MTUS2: variants seen among roughly 807,000 people sequenced by gnomAD.
MTUS2 encodes the protein microtubule-associated tumor suppressor candidate 2.
Under a neutral mutation model 114.1 loss-of-function variants are expected in MTUS2, and 40 were observed. That is an observed-to-expected ratio of 0.35 (90% confidence interval 0.27 to 0.46). MTUS2 has a LOEUF of 0.46. MTUS2 is among the 20% of genes least tolerant of loss of function. MTUS2 has a pLI of 1.00. For missense variants in MTUS2, 1,679 were observed against 1,705.4 expected, an observed-to-expected ratio of 0.98 and a Z score of 0.27; for synonymous variants, 688 against 672.0, an observed-to-expected ratio of 1.02 and a Z score of -0.37.
At chr13:29,439,657 C>T (rs7995017) in intron 8 of MTUS2, among the ~76,000 whole-genome samples, 121,683 of 152,070 alleles carry the variant, frequency 0.8, 49,246 homozygotes, top group African/African-American at 0.9. Context: ...AAACACTGTA[C>T]AATAATATAT....
chr13:29,010,215 A>G (rs1885778071), intron 2 of MTUS2, among the ~76,000 whole-genome samples: 1 of 151,644 alleles, frequency 6.6e-6, no homozygotes, highest in Admixed American at 6.6e-5. Flanking sequence ...CGTCTCAAAA[A>G]AAAAAAAAAA....
intron 5 of MTUS2, among the ~76,000 whole-genome samples, chr13:29,212,452 A>G (rs1453978355): frequency 6.6e-6 from 1 of 152,188 alleles, no homozygotes; most frequent in African/African-American, 2.4e-5. Flanking sequence ...TATAACACTA[A>G]TTATGCAGAG....
intron 7 of MTUS2, among the ~76,000 whole-genome samples, chr13:29,340,613 C>G (rs1901343836): frequency 6.6e-6 from 1 of 152,140 alleles, no homozygotes; most frequent in Admixed American, 6.5e-5. Context: ...TTATCTGTCT[C>G]TGAACACTAA....
chr13:29,072,645 A>G lies in MTUS2; in HGVS notation c.2447-28128A>G, dbSNP rs180854989. Among the ~76,000 whole-genome samples the G allele has an allele frequency of 8.5e-5, 13 of 152,344 alleles. No individual in the cohort carries two copies. In the East Asian group the frequency reaches 1.9e-3, roughly 23 times the overall value. ...AGCCACTGATCAGAAAACATGATTC[A>G]ACTGAATTTGCTCACAAAAAATATT... On this transcript the variant is annotated intron_variant, in intron 4 of 15. Transcript: ENST00000612955.
chr13:28,927,836 G>A (rs889599683), intron 2 of MTUS2, among the ~76,000 whole-genome samples: 33 of 152,148 alleles, frequency 2.2e-4, no homozygotes, highest in Admixed American at 2.6e-4. Context: ...AGAAAAAGCC[G>A]GATGCATCAC....
rs572371586 is a variant in MTUS2, at chr13:29,462,836, G to T, written c.3185-17314G>T. Among the ~76,000 whole-genome samples, 3 of 152,202 alleles carry T rather than the reference G, an allele frequency of 2.0e-5. No homozygotes were observed. The East Asian group carries it at 5.8e-4, about 29-fold the overall frequency. ...GAAACCCCTAGTGCCAGAGGGAATCGCAGGGAATGAGGTGCAGGAGAAATT... is the reference window on the plus strand; with the variant it reads ...GAAACCCCTAGTGCCAGAGGGAATCTCAGGGAATGAGGTGCAGGAGAAATT... On this transcript the variant is annotated intron_variant, in intron 9 of 15. Coordinates refer to ENST00000612955, the MANE Select transcript of MTUS2 (RefSeq NM_001033602.4).
chr13:29,179,866 G>C (rs1893925898), intron 5 of MTUS2, among the ~76,000 whole-genome samples: 1 of 152,104 alleles, frequency 6.6e-6, no homozygotes, highest in South Asian at 2.1e-4. Context: ...TTTTTCCTTA[G>C]AGGAGAAATT....
chr13:29,240,067 G>T (rs186622498), intron 5 of MTUS2: 26 of 152,250 alleles, frequency 1.7e-4, no homozygotes, highest in African/African-American at 6.3e-4. Context: ...ACCTCCTAGG[G>T]TGAAGAACTG....
chr13:29,038,972 G>A (rs944046306), intron 4 of MTUS2, among the ~76,000 whole-genome samples: 4 of 152,326 alleles, frequency 2.6e-5, no homozygotes, highest in East Asian at 1.9e-4. Context: ...GGTGAGCCTC[G>A]GAAAAGTCTG....
At chr13:29,188,922 A>T (rs2139186757) in intron 5 of MTUS2, among the ~76,000 whole-genome samples, 1 of 152,190 alleles carries the variant, frequency 6.6e-6, no homozygotes, top group South Asian at 2.1e-4. Context: ...TTTTTCCTTG[A>T]TCAATCCCTA....
chr13:28,958,648 G>A (rs1593333756), intron 2 of MTUS2, among the ~76,000 whole-genome samples: 1 of 152,208 alleles, frequency 6.6e-6, no homozygotes, highest in African/African-American at 2.4e-5. Flanking sequence ...AGAGCTAGAA[G>A]TAGAAAATGG....
intron 8 of MTUS2, among the ~76,000 whole-genome samples, chr13:29,361,129 G>A (rs1483714357): frequency 6.6e-6 from 1 of 152,144 alleles, no homozygotes; most frequent in Non-Finnish European, 1.5e-5. Context: ...AAAATTCCTT[G>A]TTGGCCTGCA....
chr13:28,943,773 G>A (rs1882370540), intron 2 of MTUS2, among the ~76,000 whole-genome samples: 1 of 152,188 alleles, frequency 6.6e-6, no homozygotes, highest in Non-Finnish European at 1.5e-5. Context: ...GATGCATAGG[G>A]AGGAAGCTGG....
chr13:29,363,816 G>T (rs1870473064), intron 8 of MTUS2, among the ~76,000 whole-genome samples: 1 of 152,176 alleles, frequency 6.6e-6, no homozygotes, highest in South Asian at 2.1e-4. Flanking sequence ...GTAAGAGGCA[G>T]AACTTTAACA....
At chr13:29,112,408 G>C (rs1890917302) in intron 5 of MTUS2, among the ~76,000 whole-genome samples, 1 of 152,178 alleles carries the variant, frequency 6.6e-6, no homozygotes, top group South Asian at 2.1e-4. Context: ...ATATTGAGGA[G>C]AATGGGTCTG....
rs143511533 is a variant in MTUS2, at chr13:29,287,725, A to G, written c.2806+5860A>G. ...CTAGGTATAAATTTTTATGAGTGTA[A>G]TAATTGCTTTTCTTCCTATTCCAGA... On this transcript the variant is annotated intron_variant, in intron 6 of 15. Coordinates refer to ENST00000612955, the MANE Select transcript of MTUS2 (RefSeq NM_001033602.4). Among the ~76,000 whole-genome samples the G allele has an allele frequency of 2.8e-4, 43 of 152,332 alleles. No individual in the cohort carries two copies. The East Asian group carries it at 7.1e-3, about 25-fold the overall frequency.
At chr13:28,903,239 A>C (rs926705383) in intron 2 of MTUS2, among the ~76,000 whole-genome samples, 2 of 151,448 alleles carry the variant, frequency 1.3e-5, no homozygotes, top group Non-Finnish European at 3.0e-5. Context: ...TGCAGTTGAC[A>C]GTTCTTTTCT....
chr13:29,196,953 C>A (rs1364532042), intron 5 of MTUS2, among the ~76,000 whole-genome samples: 1 of 152,114 alleles, frequency 6.6e-6, no homozygotes, highest in African/African-American at 2.4e-5. Flanking sequence ...GTATTAATAG[C>A]TCTTTGGGGC....
At chr13:29,129,451 A>G (rs1566023142) in intron 5 of MTUS2, among the ~76,000 whole-genome samples, 1 of 152,188 alleles carries the variant, frequency 6.6e-6, no homozygotes, top group Admixed American at 6.5e-5. Context: ...TATGTTTCCC[A>G]AGCAAATCTA....
Sources: gnomAD v4.1 joint callset for allele counts (sites outside exome capture counted in the v4.1 genomes callset) on GRCh38, gnomAD v4.1.1 for gene constraint, MANE v1.5 for transcripts, NCBI Gene and HGNC (gene_info 2026-07-23, HGNC 2026-07-21) for gene names.